Variants in CCT6B observed in about 807,000 individuals in gnomAD.
The protein encoded by CCT6B is chaperonin containing TCP1 subunit 6B.
In CCT6B, 49 loss-of-function variants were observed where a neutral mutation model predicts 61.5. That is an observed-to-expected ratio of 0.80 (90% CI 0.63 to 1.01). The LOEUF (loss-of-function observed/expected upper bound fraction) is 1.01, where lower values mean the gene tolerates loss of function less well. Ranked by LOEUF, CCT6B falls within the 50% of genes least tolerant of loss-of-function variation. The pLI is 0.00. For missense variants in CCT6B, 666 were observed against 634.7 expected (o/e 1.05, Z -0.53); for synonymous variants, 228 against 214.5 (o/e 1.06, Z -0.55).
chr17:34,930,969 A>G lies in CCT6B; in HGVS notation c.1430T>C (p.Val477Ala), dbSNP rs754899588. ...QAEHVESKQL[V>A]GVDLNTGEPM... ...CTTACCTGTATTCAAATCTACGCCC[A>G]CAAGTTGTTTTGACTCGACATGCTC... Residue 477 changes from valine (V) to alanine (A), a missense_variant, in exon 12 of 14, where the codon GTG becomes GCG. Val to Ala is a moderately conservative substitution (Grantham distance 64). Coordinates refer to ENST00000314144, the MANE Select transcript of CCT6B (RefSeq NM_006584.4). 1.3e-6 allele frequency: 2 copies of G among 1,599,830 alleles called. No individual in the cohort carries two copies. Among genetic ancestry groups the G allele is most frequent in the South Asian group, 1.1e-5 (1 of 90,108 alleles).
At chr17:34,944,487 T>A (rs1371954746) in intron 5 of CCT6B, 1 of 152,226 alleles carries the variant, frequency 6.6e-6, no homozygotes, top group Non-Finnish European at 1.5e-5. Flanking sequence ...CCCATTCCCA[T>A]ATTCCCTTCT....
Position 34,954,603 on chromosome 17 carries a change from T to C in CCT6B, c.337-4A>G, listed in dbSNP as rs567537096. On this transcript the variant is annotated splice_region_variant and splice_polypyrimidine_tract_variant and intron_variant, in intron 3 of 13. Coordinates refer to ENST00000314144, the MANE Select transcript of CCT6B (RefSeq NM_006584.4). ...CTATTATTCTAGGGTGCAGGCCCTG[T>C]TACATCAACATAAAATTATAAATTA... The C allele has an allele frequency of 1.3e-6, 2 of 1,589,396 alleles. No individual in the cohort carries two copies. The highest frequency in any genetic ancestry group is 1.2e-5 in the South Asian group (1 of 85,290).
chr17:34,940,566 C>A lies in CCT6B; in HGVS notation c.941G>T (p.Arg314Leu). 6.3e-7 allele frequency: 1 copy of A among 1,582,052 alleles called. No homozygotes were observed. Among genetic ancestry groups the A allele is most frequent in the Non-Finnish European group, 8.6e-7 (1 of 1,161,484 alleles). The change falls in exon 8 of 14, where the codon CGC becomes CTC. Residue 314 changes from arginine to leucine, a missense_variant. By Grantham distance (102) the Arg-to-Leu change is moderately radical. Coordinates refer to ENST00000314144, the MANE Select transcript of CCT6B (RefSeq NM_006584.4). ...TTCCATATTTCTTCTTTTTGCTCTG[C>A]GAAGAGCTACTATTCCATGTTTTGC... ...SLAKHGIVAL[R>L]RAKRRNMERL...
rs752084729 is a variant in CCT6B at position 34,961,276 on chromosome 17, G to A, written c.118C>T (p.Pro40Ser). ...LQDVLRTNLGPKGTMKMLVSG... is the reference protein window; with the variant it reads ...LQDVLRTNLGSKGTMKMLVSG... ...TCTCACATTTTCATGGTGCCTTTAGGACCCAAGTTGGTCCGCAGCACATCC... is the reference window on the plus strand; with the variant it reads ...TCTCACATTTTCATGGTGCCTTTAGAACCCAAGTTGGTCCGCAGCACATCC... Residue 40 changes from proline to serine, a missense_variant, in exon 1 of 14, where the codon CCT (proline) becomes TCT (serine). Coordinates refer to ENST00000314144, the MANE Select transcript of CCT6B (RefSeq NM_006584.4). 1.2e-6 allele frequency: 2 copies of A among 1,611,104 alleles called. No homozygotes were observed. The highest frequency in any genetic ancestry group is 1.1e-5 in the South Asian group (1 of 90,836).
intron 1 of CCT6B, 120 bp downstream of exon 1, chr17:34,961,137 G>A: frequency 2.4e-6 from 3 of 1,276,102 alleles, no homozygotes; most frequent in Non-Finnish European, 3.2e-6. Flanking sequence ...GCAGGGATGA[G>A]AATGAGGGAA....
intron 3 of CCT6B, among the ~76,000 whole-genome samples, chr17:34,957,371 C>G (rs374586257): frequency 2.0e-4 from 30 of 149,230 alleles, no homozygotes; most frequent in African/African-American, 6.9e-4. Flanking sequence ...CTCGAACTCC[C>G]GACCTCAGGT....
At chr17:34,930,274 AAATT>A (rs1185872448) in intron 12 of CCT6B, among the ~76,000 whole-genome samples, 3 of 152,158 alleles carry the variant, frequency 2.0e-5, no homozygotes, top group Admixed American at 6.6e-5. Context: ...ACTGTCTCAT[AAATT>A]AATTAATTAG....
Position 34,940,563 on chromosome 17 carries a change from C to T in CCT6B, c.944G>A (p.Arg315Lys). The T allele has an allele frequency of 3.2e-6, 5 of 1,582,552 alleles. No individual in the cohort carries two copies. In the South Asian group the frequency reaches 5.7e-5, roughly 18 times the overall value. Residue 315 changes from arginine (R) to lysine (K), a missense_variant, in exon 8 of 14, where the codon AGA becomes AAA. Arg to Lys is a conservative substitution (Grantham distance 26). Coordinates refer to ENST00000314144, the MANE Select transcript of CCT6B (RefSeq NM_006584.4). ...LAKHGIVALR[R>K]AKRRNMERLS... Reference sequence around the variant, plus strand: ...CCTTTCCATATTTCTTCTTTTTGCTCTGCGAAGAGCTACTATTCCATGTTT... The same window carrying T: ...CCTTTCCATATTTCTTCTTTTTGCTTTGCGAAGAGCTACTATTCCATGTTT...
At chr17:34,947,426 G>A (rs955158112) in intron 5 of CCT6B, among the ~76,000 whole-genome samples, 3 of 152,136 alleles carry the variant, frequency 2.0e-5, no homozygotes, top group African/African-American at 7.2e-5. Context: ...AAGGACTCAT[G>A]GCTATAAAGG....
intron 12 of CCT6B, among the ~76,000 whole-genome samples, chr17:34,929,641 G>T (rs1249060992): frequency 1.3e-5 from 2 of 151,920 alleles, no homozygotes; most frequent in African/African-American, 4.8e-5. Flanking sequence ...AGCCTCCCAA[G>T]TAGCTGGGAT....
At position 34,927,946 on chromosome 17, in the gene CCT6B, T is replaced by G; in HGVS notation, c.*102A>C. 2 of 728,434 alleles carry G rather than the reference T, an allele frequency of 2.7e-6. No individual in the cohort carries two copies. The highest frequency in any genetic ancestry group is 1.8e-5 in the African/African-American group (1 of 54,910). The allele number at this position is 728,434 out of a possible 1,614,324, so 45.1% of individuals were successfully genotyped here. A position where few individuals can be genotyped will look rare whatever the true frequency, so the allele number is the denominator to read the frequency against. On this transcript the variant is annotated 3_prime_UTR_variant, in exon 14 of 14. Coordinates refer to ENST00000314144, the MANE Select transcript of CCT6B (RefSeq NM_006584.4). ...AAGACCCAAAAGACATAAACTGCAT[T>G]TATTGTGTAGAAATTCAGAATGGCT...
At position 34,942,541 on chromosome 17, in the gene CCT6B, G is replaced by T; in HGVS notation, c.828C>A (p.Asp276Glu). The T allele has an allele frequency of 1.9e-6, 3 of 1,606,448 alleles. No homozygotes were observed. Among genetic ancestry groups the T allele is most frequent in the Non-Finnish European group, 2.5e-6 (3 of 1,177,568 alleles). The change falls in exon 7 of 14, where the codon GAC (aspartate) becomes GAA (glutamate). Residue 276 changes from aspartate (D) to glutamate (E), a missense_variant. Asp to Glu is a conservative substitution (Grantham distance 45). Transcript: ENST00000314144. Reference protein sequence around the residue: ...FIEDRVQKIIDLKDKVCAQSN... With the variant: ...FIEDRVQKIIELKDKVCAQSN... Reference sequence around the variant, plus strand: ...ACTGAGCACAGACTTTGTCCTTCAGGTCTATTATTTTTTGTACTCTATCTT... The same window carrying T: ...ACTGAGCACAGACTTTGTCCTTCAGTTCTATTATTTTTTGTACTCTATCTT...
chr17:34,959,120 A>T (rs1215496031), intron 2 of CCT6B, among the ~76,000 whole-genome samples: 2 of 126,384 alleles, frequency 1.6e-5, no homozygotes, highest in African/African-American at 2.8e-5. Flanking sequence ...CCAAAAAAAA[A>T]AACTTTTTTT....
intron 5 of CCT6B, among the ~76,000 whole-genome samples, chr17:34,944,719 G>C (rs979583042): frequency 6.6e-6 from 1 of 152,218 alleles, no homozygotes; most frequent in Non-Finnish European, 1.5e-5. Context: ...GAGGTCAGGA[G>C]ATCGAGACCA....
Position 34,959,598 on chromosome 17 carries a change from G to C in CCT6B, c.190C>G (p.Leu64Val). 6.2e-7 allele frequency: 1 copy of C among 1,611,804 alleles called. No individual in the cohort carries two copies. The highest frequency in any genetic ancestry group is 8.5e-7 in the Non-Finnish European group (1 of 1,177,950). The change falls in exon 2 of 14, where the codon CTC (leucine) becomes GTC (valine). Residue 64 changes from leucine (L) to valine (V), a missense_variant. Leu to Val is a conservative substitution (Grantham distance 32). Coordinates refer to ENST00000314144, the MANE Select transcript of CCT6B (RefSeq NM_006584.4). Reference sequence around the variant, plus strand: ...CAGCATCAGCTCACCATCTCATCGAGCAGCACATTGCCATCTTTGGTGAGT... The same window carrying C: ...CAGCATCAGCTCACCATCTCATCGACCAGCACATTGCCATCTTTGGTGAGT... ...IKLTKDGNVL[L>V]DEMQIQHPTA...
chr17:34,959,739 G>A (rs1244767920), intron 1 of CCT6B, 89 bp from the exon 2 acceptor site: 5 of 890,696 alleles, frequency 5.6e-6, no homozygotes, highest in Non-Finnish European at 9.2e-6. Flanking sequence ...AGGGAACTGG[G>A]CTCGGAAAAC....
At chr17:34,949,879 C>A (rs2090272027) in intron 5 of CCT6B, among the ~76,000 whole-genome samples, 1 of 152,100 alleles carries the variant, frequency 6.6e-6, no homozygotes, top group South Asian at 2.1e-4. Flanking sequence ...AAGTTCTGAA[C>A]AACAGGATTA....
At chr17:34,942,231 C>T (rs1317137904) in intron 7 of CCT6B, among the ~76,000 whole-genome samples, 4 of 150,984 alleles carry the variant, frequency 2.6e-5, no homozygotes, top group Admixed American at 1.3e-4. Context: ...ATAAAGAATG[C>T]GATGACTACT....
chr17:34,951,931 C>T lies in CCT6B; in HGVS notation c.614+19G>A. 1 of 1,278,216 alleles carries T rather than the reference C, an allele frequency of 7.8e-7. No individual in the cohort carries two copies. The highest frequency in any genetic ancestry group is 2.3e-5 in the East Asian group (1 of 42,692). The allele number at this position is 1,278,216 out of a possible 1,614,324, so 79.2% of individuals were successfully genotyped here. ...AAAAATTCTAGAACCCATATGTTGT[C>T]AAAGCTTATGTAATTTACTTTGTAT... On this transcript the variant is annotated intron_variant, in intron 5 of 13. Coordinates refer to ENST00000314144, the MANE Select transcript of CCT6B (RefSeq NM_006584.4).
Sources: gnomAD v4.1 joint callset for allele counts (sites outside exome capture counted in the v4.1 genomes callset) on GRCh38, gnomAD v4.1.1 for gene constraint, MANE v1.5 for transcripts, NCBI Gene and HGNC (gene_info 2026-07-23, HGNC 2026-07-21) for gene names.